The following CACNA1C variants were observed in gnomAD, a reference collection of about 807,000 sequenced individuals.
CACNA1C encodes voltage-dependent L-type calcium channel subunit alpha-1C.
In CACNA1C, 30 loss-of-function variants were observed where a neutral mutation model predicts 229.0. The observed-to-expected ratio is 0.13, with a 90% CI of 0.10 to 0.18. CACNA1C has a LOEUF of 0.18. CACNA1C is among the 10% of genes least tolerant of loss of function. CACNA1C has a pLI of 1.00. For synonymous variants in CACNA1C, 1,114 were observed against 1,132.5 expected, an observed-to-expected ratio of 0.98 and a Z score of 0.33; for missense variants, 1,658 against 2,845.0, an observed-to-expected ratio of 0.58 and a Z score of 9.49.
At chr12:2,033,584 T>C (rs989907318) in intron 1 of CACNA1C, among the ~76,000 whole-genome samples, 2 of 152,240 alleles carry the variant, frequency 1.3e-5, no homozygotes, top group Admixed American at 6.5e-5. Flanking sequence ...ATTCACAGTA[T>C]AATCCTAAGG....
At chr12:2,012,215 A>G (rs1339308289) in intron 1 of CACNA1C, among the ~76,000 whole-genome samples, 1 of 152,212 alleles carries the variant, frequency 6.6e-6, no homozygotes, top group Non-Finnish European at 1.5e-5. Flanking sequence ...GGGTAGAGGG[A>G]TGAAGGGGAG....
At chr12:2,306,825 G>T (rs1315467446) in intron 3 of CACNA1C, among the ~76,000 whole-genome samples, 1 of 152,224 alleles carries the variant, frequency 6.6e-6, no homozygotes. Context: ...CCGCAGTTTG[G>T]TAGAAGCTGA....
intron 30 of CACNA1C, among the ~76,000 whole-genome samples, chr12:2,635,338 A>G (rs1222986892): frequency 6.6e-6 from 1 of 152,088 alleles, no homozygotes; most frequent in Non-Finnish European, 1.5e-5. Flanking sequence ...ATCTCTCTTT[A>G]TCTATAGGCA....
intron 3 of CACNA1C, among the ~76,000 whole-genome samples, chr12:2,240,735 C>T (rs1019828679): frequency 6.6e-6 from 1 of 151,604 alleles, no homozygotes; most frequent in Non-Finnish European, 1.5e-5. Context: ...GTCATTAGCA[C>T]ATGGTTAGGT....
At chr12:2,533,446 G>T (rs12423388) in intron 9 of CACNA1C, among the ~76,000 whole-genome samples, 1 of 152,234 alleles carries the variant, frequency 6.6e-6, no homozygotes, top group Non-Finnish European at 1.5e-5. Context: ...CTCTCTGAGC[G>T]TGAAGGAGAA....
intron 39 of CACNA1C, among the ~76,000 whole-genome samples, chr12:2,675,785 A>G (rs979494705): frequency 1.3e-5 from 2 of 152,216 alleles, no homozygotes; most frequent in African/African-American, 4.8e-5. Flanking sequence ...AGAGCCATGC[A>G]GAGTGCAAAG....
intron 3 of CACNA1C, among the ~76,000 whole-genome samples, chr12:2,292,363 C>T (rs2093597870): frequency 6.6e-6 from 1 of 152,214 alleles, no homozygotes; most frequent in Non-Finnish European, 1.5e-5. Flanking sequence ...CAATTCCATG[C>T]ACGTTTATTG....
intron 3 of CACNA1C, among the ~76,000 whole-genome samples, chr12:2,298,371 T>C (rs1174628926): frequency 6.6e-6 from 1 of 152,088 alleles, no homozygotes; most frequent in Non-Finnish European, 1.5e-5. Context: ...CAATCTCGGC[T>C]CACCGCAACC....
intron 30 of CACNA1C, among the ~76,000 whole-genome samples, chr12:2,641,159 A>G (rs2093651130): frequency 6.6e-6 from 1 of 152,254 alleles, no homozygotes; most frequent in African/African-American, 2.4e-5. Flanking sequence ...CAAGGACATT[A>G]GGGTGTACAC....
At chr12:2,167,159 A>G (rs1188452436) in intron 3 of CACNA1C, among the ~76,000 whole-genome samples, 1 of 152,260 alleles carries the variant, frequency 6.6e-6, no homozygotes, top group Admixed American at 6.5e-5. Flanking sequence ...AGAAGAAGGA[A>G]GCAGGTAAGT....
At chr12:2,622,210 G>A (rs113836292) in intron 29 of CACNA1C, among the ~76,000 whole-genome samples, 4 of 152,252 alleles carry the variant, frequency 2.6e-5, no homozygotes, top group African/African-American at 9.6e-5. Flanking sequence ...GACAGGCAGA[G>A]GGAGGCCAGA....
At chr12:1,989,420 G>A (rs1461182096) in intron 1 of CACNA1C, among the ~76,000 whole-genome samples, 1 of 151,858 alleles carries the variant, frequency 6.6e-6, no homozygotes. Context: ...GAAAGGGAAA[G>A]GGAAAGGAAA....
intron 3 of CACNA1C, among the ~76,000 whole-genome samples, chr12:2,232,559 A>G (rs1436997285): frequency 2.0e-5 from 3 of 152,016 alleles, no homozygotes; most frequent in South Asian, 2.1e-4. Flanking sequence ...CCCACTTCTA[A>G]TAAGTATCCT....
intron 3 of CACNA1C, among the ~76,000 whole-genome samples, chr12:2,335,870 T>C (rs2096676691): frequency 6.6e-6 from 1 of 152,040 alleles, no homozygotes; most frequent in Admixed American, 6.5e-5. Context: ...TCAAGTGGTA[T>C]AGATGTTTTT....
Position 2,605,530 on chromosome 12 carries a change from C to A in CACNA1C, c.3049-149C>A. The A allele has an allele frequency of 1.5e-6, 1 of 674,228 alleles. No individual in the cohort carries two copies. Among genetic ancestry groups the A allele is most frequent in the Non-Finnish European group, 2.7e-6 (1 of 371,120 alleles). 41.8% of individuals were successfully genotyped at this position (674,228 alleles called of 1,614,324 possible). A position where few individuals can be genotyped will look rare whatever the true frequency, so the allele number is the denominator to read the frequency against. The stretch of plus-strand genomic sequence containing the variant: ...GCCTTTGCATCCCATTAGGGTCCAT[C>A]ACTTCCCATGTGACTTTGGGAGCGT... On this transcript the variant is annotated intron_variant, in intron 23 of 46. Transcript: ENST00000399655. The surrounding 1 kb of genome is among the most constrained non-coding windows in gnomAD (Gnocchi z 6.2).
intron 3 of CACNA1C, among the ~76,000 whole-genome samples, chr12:2,121,860 C>G (rs1486179315): frequency 1.3e-5 from 2 of 152,232 alleles, no homozygotes; most frequent in Non-Finnish European, 2.9e-5. Context: ...TAAAGAGGAG[C>G]CTTCGTTCCA....
At chr12:2,198,710 G>A (rs562545003) in intron 3 of CACNA1C, among the ~76,000 whole-genome samples, 1 of 152,112 alleles carries the variant, frequency 6.6e-6, no homozygotes, top group Non-Finnish European at 1.5e-5. Context: ...AGAGACAGGG[G>A]GTTCTGGCTA....
At position 2,633,940 on chromosome 12, in the gene CACNA1C, G is replaced by A. The variant is rs374200963; in HGVS notation, c.3829-357G>A. 3.0e-4 allele frequency among the ~76,000 whole-genome samples: 46 copies of A among 152,256 alleles called. No homozygotes were observed. The East Asian group carries it at 3.5e-3, about 12-fold the overall frequency. On this transcript the variant is annotated intron_variant, in intron 29 of 46. Coordinates refer to ENST00000399655, the MANE Select transcript of CACNA1C (RefSeq NM_000719.7). The surrounding 1 kb of genome is among the most constrained non-coding windows in gnomAD (Gnocchi z 5.8). ...TCCATTTACCTCAGCTCTGCCCGGC[G>A]CTGCCGGGCTGGGGCGTGGAGCTGA... is the stretch of plus-strand genomic sequence containing the variant.
rs5010668 is a variant in CACNA1C at position 2,646,768 on chromosome 12, A to G, written c.3913-1707A>G. On this transcript the variant is annotated intron_variant, in intron 30 of 46. Transcript: ENST00000399655. The surrounding 1 kb of genome is among the most constrained non-coding windows in gnomAD (Gnocchi z 4.6). ...TGCCTGTATGAGAGAGAGAGAGAGA[A>G]AGAGAGAGAGAGAGAGAGAGAGTGT... is the stretch of plus-strand genomic sequence containing the variant. Among the ~76,000 whole-genome samples, 84 of 146,590 alleles carry G rather than the reference A, an allele frequency of 5.7e-4. No homozygotes were observed. Among genetic ancestry groups the G allele is most frequent in the African/African-American group, 1.7e-3 (67 of 40,250 alleles).
Sources: gnomAD v4.1 joint callset for allele counts (sites outside exome capture counted in the v4.1 genomes callset) on GRCh38, gnomAD v4.1.1 for gene constraint, Gnocchi (gnomAD v3.1) non-coding constraint, MANE v1.5 for transcripts, NCBI Gene and HGNC (gene_info 2026-07-23, HGNC 2026-07-21) for gene names.